The following ZNF277 variants were observed in gnomAD, a reference collection of about 807,000 sequenced individuals.
The protein encoded by ZNF277 is nuclear receptor-interacting factor 4.
Under a neutral mutation model 60.7 loss-of-function variants are expected in ZNF277, and 55 were observed. The observed-to-expected ratio is 0.91, with a 90% CI of 0.73 to 1.13. The LOEUF is 1.13. Ranked by LOEUF, ZNF277 falls within the 50% of genes most tolerant of loss-of-function variation. The pLI, the probability that ZNF277 is intolerant of heterozygous loss-of-function variation, is 0.00. For missense variants in ZNF277, 510 were observed against 523.0 expected (o/e 0.98, Z 0.24); for synonymous variants, 178 against 179.3 (o/e 0.99, Z 0.06).
chr7:112,257,173 A>G (rs1791333415), intron 1 of ZNF277, among the ~76,000 whole-genome samples: 1 of 152,184 alleles, frequency 6.6e-6, no homozygotes, highest in African/African-American at 2.4e-5. Context: ...GCCACACCGG[A>G]TATTTCTAAA....
intron 2 of ZNF277, among the ~76,000 whole-genome samples, chr7:112,289,774 G>T (rs1792162137): frequency 6.6e-6 from 1 of 152,006 alleles, no homozygotes. Context: ...GTCCTGGCTG[G>T]AGTGCAGTGG....
intron 9 of ZNF277, among the ~76,000 whole-genome samples, chr7:112,339,600 T>C (rs1330551822): frequency 6.6e-6 from 1 of 152,218 alleles, no homozygotes; most frequent in African/African-American, 2.4e-5. Context: ...ATTATAGGCG[T>C]GAGCCACCGC....
chr7:112,304,238 C>T (rs1295952342), intron 4 of ZNF277, among the ~76,000 whole-genome samples: 2 of 152,020 alleles, frequency 1.3e-5, no homozygotes, highest in Non-Finnish European at 2.9e-5. Flanking sequence ...TTATCCCTGC[C>T]TTATACATGC....
intron 2 of ZNF277, among the ~76,000 whole-genome samples, chr7:112,290,713 C>G (rs1650899612): frequency 1.3e-5 from 2 of 152,062 alleles, no homozygotes; most frequent in South Asian, 4.2e-4. Flanking sequence ...TTGACTGTAT[C>G]CAGTCTTCTT....
chr7:112,315,553 A>T (rs925942905), intron 4 of ZNF277, among the ~76,000 whole-genome samples: 4 of 152,174 alleles, frequency 2.6e-5, no homozygotes, highest in African/African-American at 9.6e-5. Flanking sequence ...ATACTTTTGC[A>T]TTACAGTACA....
At chr7:112,281,224 C>T (rs1006707743) in intron 1 of ZNF277, among the ~76,000 whole-genome samples, 2 of 152,172 alleles carry the variant, frequency 1.3e-5, no homozygotes, top group East Asian at 1.9e-4. Context: ...CTAGGGACTA[C>T]GGCTTGGTAA....
intron 4 of ZNF277, among the ~76,000 whole-genome samples, chr7:112,307,543 T>TATAGTA (rs1563223122): frequency 6.6e-6 from 1 of 152,054 alleles, no homozygotes; most frequent in East Asian, 1.9e-4. Context: ...GCCTACTGAC[T>TATAGTA]GCCTGGGATT....
intron 4 of ZNF277, among the ~76,000 whole-genome samples, chr7:112,308,253 C>T (rs1792644902): frequency 1.3e-5 from 2 of 151,928 alleles, no homozygotes; most frequent in African/African-American, 4.8e-5. Flanking sequence ...CGGTGGCTCA[C>T]TCCTGTAATC....
At chr7:112,292,873 ATGT>A (rs201443894) in intron 2 of ZNF277, among the ~76,000 whole-genome samples, 1,991 of 152,206 alleles carry the variant, frequency 0.013, 45 homozygotes, top group African/African-American at 0.046. Context: ...GTTTGCTGAA[ATGT>A]TGTTGTTGTT....
chr7:112,207,747 A>C (rs1473276414), intron 1 of ZNF277, among the ~76,000 whole-genome samples: 1 of 151,222 alleles, frequency 6.6e-6, no homozygotes, highest in East Asian at 2.0e-4. Context: ...GACTGTTGCG[A>C]CTTTGTTTTT....
chr7:112,323,736 C>G (rs1198709122), intron 5 of ZNF277, among the ~76,000 whole-genome samples: 1 of 152,192 alleles, frequency 6.6e-6, no homozygotes, highest in Non-Finnish European at 1.5e-5. Flanking sequence ...CCATTTTCAC[C>G]AGTGCTACTG....
chr7:112,286,927 C>G lies in ZNF277; in HGVS notation c.146C>G (p.Thr49Ser), dbSNP rs1416073563. 6.2e-7 allele frequency: 1 copy of G among 1,607,054 alleles called. No individual in the cohort carries two copies. The highest frequency in any genetic ancestry group is 1.7e-5 in the Admixed American group (1 of 58,972). ...TCCCTGCCAGAAAGTCCAGGTGGCA[C>G]CACCACTTTAGAAGGTTCTCCATCT... ...PLSLPESPGG[T>S]TTLEGSPSVP... Residue 49 changes from threonine (T) to serine (S), a missense_variant, in exon 2 of 12, where the codon ACC becomes AGC. Physicochemically the swap from Thr to Ser is moderately conservative, Grantham distance 58 (BLOSUM62 1). Transcript: ENST00000361822.
chr7:112,250,160 G>A (rs1181390503), intron 1 of ZNF277, among the ~76,000 whole-genome samples: 6 of 152,018 alleles, frequency 3.9e-5, no homozygotes, highest in African/African-American at 1.4e-4. Context: ...TGGCCCCCCG[G>A]GCGTTTAGTC....
chr7:112,212,948 T>G (rs1821790182), intron 1 of ZNF277, among the ~76,000 whole-genome samples: 2 of 152,108 alleles, frequency 1.3e-5, no homozygotes, highest in Admixed American at 6.6e-5. Flanking sequence ...CCTCACAAGG[T>G]ATAGGCCGTG....
intron 1 of ZNF277, among the ~76,000 whole-genome samples, chr7:112,257,974 G>A (rs937722741): frequency 6.6e-6 from 1 of 151,846 alleles, no homozygotes; most frequent in African/African-American, 2.4e-5. Context: ...CACCAGGCCT[G>A]GCTAACATTT....
At chr7:112,298,761 A>C (rs1409139145) in intron 4 of ZNF277, among the ~76,000 whole-genome samples, 1 of 152,214 alleles carries the variant, frequency 6.6e-6, no homozygotes, top group Non-Finnish European at 1.5e-5. Flanking sequence ...TGAGGTGGCT[A>C]TTAAATGCCG....
chr7:112,222,755 T>G (rs946404189), intron 1 of ZNF277, among the ~76,000 whole-genome samples: 1 of 152,158 alleles, frequency 6.6e-6, no homozygotes, highest in African/African-American at 2.4e-5. Flanking sequence ...TCAACTTGAT[T>G]GGATTGAAGG....
chr7:112,245,917 A>C (rs1258271637), intron 1 of ZNF277, among the ~76,000 whole-genome samples: 1 of 152,160 alleles, frequency 6.6e-6, no homozygotes, highest in Non-Finnish European at 1.5e-5. Context: ...ATATCTTATA[A>C]TAGCCAATGT....
intron 7 of ZNF277, among the ~76,000 whole-genome samples, chr7:112,334,335 C>T (rs1210483356): frequency 6.7e-6 from 1 of 149,224 alleles, no homozygotes; most frequent in East Asian, 2.0e-4. Context: ...CTTTGTTTTT[C>T]TTACATTCTT....
Sources: gnomAD v4.1 joint callset for allele counts (sites outside exome capture counted in the v4.1 genomes callset) on GRCh38, gnomAD v4.1.1 for gene constraint, MANE v1.5 for transcripts, NCBI Gene and HGNC (gene_info 2026-07-23, HGNC 2026-07-21) for gene names.